ACOT11: variants seen among roughly 807,000 people sequenced by gnomAD.
ACOT11 encodes acyl-CoA thioesterase 11.
ACOT11 carries 69 observed loss-of-function variants against 77.5 expected under a neutral mutation model. The ratio of observed to expected loss-of-function variants is 0.89; its 90% CI spans 0.73 to 1.09. The LOEUF is 1.09. Among genes scored for constraint, ACOT11 ranks in the 50% least tolerant of loss-of-function variants. ACOT11 has a pLI of 0.00. For missense variants in ACOT11, 766 were observed against 813.7 expected, an observed-to-expected ratio of 0.94 and a Z score of 0.71; for synonymous variants, 279 against 313.0, an observed-to-expected ratio of 0.89 and a Z score of 1.15.
intron 15 of ACOT11, among the ~76,000 whole-genome samples, chr1:54,617,960 C>G (rs1217652726): frequency 6.6e-6 from 1 of 151,956 alleles, no homozygotes; most frequent in Non-Finnish European, 1.5e-5. Flanking sequence ...CTCCTGACCT[C>G]AGGTGATCCA....
At chr1:54,608,282 G>C (rs1644056564) in intron 15 of ACOT11, among the ~76,000 whole-genome samples, 1 of 152,158 alleles carries the variant, frequency 6.6e-6, no homozygotes, top group South Asian at 2.1e-4. Flanking sequence ...CTTGGAAAAA[G>C]CTCTGGGTGC....
rs573790345 is a variant in ACOT11, at chr1:54,623,188, A to C, written c.1630-7546A>C. ...GCAAAACTCCGTCTAAAAAAAAAAA[A>C]GGGACTGGTCAGAGCTGTAAGTGAG... is the stretch of plus-strand genomic sequence containing the variant. On this transcript the variant is annotated intron_variant, in intron 15 of 16. Transcript: ENST00000371316. The C allele has an allele frequency of 8.5e-4, 673 of 796,382 alleles. 1 individual carries two copies. Among genetic ancestry groups the C allele is most frequent in the Non-Finnish European group, 8.7e-4 (426 of 489,692 alleles). 49.3% of individuals were successfully genotyped at this position (796,382 alleles called of 1,614,324 possible).
At chr1:54,564,756 C>T (rs1332981882) in intron 1 of ACOT11, among the ~76,000 whole-genome samples, 2 of 152,188 alleles carry the variant, frequency 1.3e-5, no homozygotes, top group African/African-American at 4.8e-5. Context: ...TTGACCGGCT[C>T]TCTTCCCCAG....
chr1:54,626,146 G>A (rs1644271137), intron 15 of ACOT11, among the ~76,000 whole-genome samples: 1 of 151,612 alleles, frequency 6.6e-6, no homozygotes, highest in Non-Finnish European at 1.5e-5. Flanking sequence ...TGTAATCCCA[G>A]CTACTCGGGA....
At chr1:54,608,149 C>CTCAA in intron 15 of ACOT11, 81 bp downstream of exon 15, 1 of 1,463,022 alleles carries the variant, frequency 6.8e-7, no homozygotes, top group Non-Finnish European at 9.1e-7. Flanking sequence ...CACTGCTGGG[C>CTCAA]TAGGATAGTC....
At chr1:54,585,994 G>C in intron 3 of ACOT11, 90 bp downstream of exon 3, 3 of 1,384,936 alleles carry the variant, frequency 2.2e-6, no homozygotes, top group Non-Finnish European at 3.0e-6. Flanking sequence ...GTCAGCGTCT[G>C]TGCTGCCTAG....
At chr1:54,630,995 A>T in intron 16 of ACOT11, 1 of 495,906 alleles carries the variant, frequency 2.0e-6, no homozygotes, top group Non-Finnish European at 3.7e-6. Context: ...GAGGAACAAC[A>T]GTATAGCGAA....
At chr1:54,591,666 C>T (rs752128143) in intron 3 of ACOT11, among the ~76,000 whole-genome samples, 1 of 152,358 alleles carries the variant, frequency 6.6e-6, no homozygotes, top group Middle Eastern at 3.4e-3. Flanking sequence ...CCTCTGCCCC[C>T]TCCATTAGGC....
intron 13 of ACOT11, among the ~76,000 whole-genome samples, chr1:54,605,941 G>A (rs752852036): frequency 6.6e-6 from 1 of 152,146 alleles, no homozygotes; most frequent in Non-Finnish European, 1.5e-5. Context: ...CTTGTTATGA[G>A]GAGCCTACAT....
chr1:54,569,167 G>T (rs1379784540), intron 1 of ACOT11, among the ~76,000 whole-genome samples: 3 of 144,126 alleles, frequency 2.1e-5, no homozygotes, highest in Non-Finnish European at 4.5e-5. Context: ...TTGCTCTCTT[G>T]CCCAAGTTGG....
intron 1 of ACOT11, among the ~76,000 whole-genome samples, chr1:54,554,772 C>A (rs1653203930): frequency 6.6e-6 from 1 of 152,148 alleles, no homozygotes; most frequent in African/African-American, 2.4e-5. Context: ...ATACTGATTT[C>A]ATTTCCTTTG....
Position 54,584,519 on chromosome 1 carries a change from C to T in ACOT11, c.34-136C>T, listed in dbSNP as rs912655769. Reference sequence around the variant, plus strand: ...CGGGCTGGAGGGTGGTGACCACTCTCGGGTTGGGGTCTGGTGGGAGGTGGC... The same window carrying T: ...CGGGCTGGAGGGTGGTGACCACTCTTGGGTTGGGGTCTGGTGGGAGGTGGC... On this transcript the variant is annotated intron_variant, in intron 1 of 15. Transcript: ENST00000343744. This position sits in a 1 kb window ranked among gnomAD's most constrained non-coding sequence, Gnocchi z 6.3. 4 of 763,474 alleles carry T rather than the reference C, an allele frequency of 5.2e-6. No individual in the cohort carries two copies. The highest frequency in any genetic ancestry group is 2.7e-5 in the East Asian group (1 of 36,622). The allele number at this position is 763,474 out of a possible 1,614,324, so 47.3% of individuals were successfully genotyped here. A position where few individuals can be genotyped will look rare whatever the true frequency, so the allele number is the denominator to read the frequency against.
At chr1:54,566,548 C>A (rs1045680865) in intron 1 of ACOT11, among the ~76,000 whole-genome samples, 14 of 151,492 alleles carry the variant, frequency 9.2e-5, no homozygotes, top group African/African-American at 3.4e-4. Context: ...GTGTAACAAA[C>A]TACCCCGAAC....
chr1:54,567,718 A>G (rs1653784697), intron 1 of ACOT11, among the ~76,000 whole-genome samples: 6 of 151,916 alleles, frequency 3.9e-5, no homozygotes, highest in Middle Eastern at 3.4e-3. Flanking sequence ...AACTGGCACC[A>G]CCCTGTCCCT....
intron 1 of ACOT11, among the ~76,000 whole-genome samples, chr1:54,580,306 G>A (rs961605677): frequency 1.3e-5 from 2 of 152,136 alleles, no homozygotes; most frequent in Non-Finnish European, 2.9e-5. Context: ...TTTGCACCAG[G>A]CCTGTTGCTC....
chr1:54,549,176 C>A (rs990235559), intron 1 of ACOT11, among the ~76,000 whole-genome samples: 2 of 152,176 alleles, frequency 1.3e-5, no homozygotes, highest in African/African-American at 2.4e-5. Context: ...CTGGCTCCCC[C>A]ATTCCATGTC....
rs745566637 is a variant in ACOT11, at chr1:54,594,022, C to G, written c.454C>G (p.Arg152Gly). The G allele has an allele frequency of 6.2e-7, 1 of 1,613,922 alleles. No individual in the cohort carries two copies. Among genetic ancestry groups the G allele is most frequent in the Non-Finnish European group, 8.5e-7 (1 of 1,179,886 alleles). The change falls in exon 5 of 16, where the codon CGC (arginine) becomes GGC (glycine). Residue 152 changes from arginine (R) to glycine (G), a missense_variant. By Grantham distance (125) the Arg-to-Gly change is moderately radical. Transcript: ENST00000343744. ...CAAGGCCTTGGCCACCTTCGTGGCC[C>G]GCCGAGAGATCACCAAGGTAACTGG... ...VCKALATFVA[R>G]REITKVKLKQ... is the part of the protein sequence containing the mutation.
Position 54,585,731 on chromosome 1 carries a change from C to G in ACOT11, c.242-104C>G. 6.8e-6 allele frequency: 8 copies of G among 1,180,526 alleles called. 1 individual carries two copies. The South Asian group carries it at 1.1e-4, about 16-fold the overall frequency. The allele number at this position is 1,180,526 out of a possible 1,614,324, so 73.1% of individuals were successfully genotyped here. A position where few individuals can be genotyped will look rare whatever the true frequency, so the allele number is the denominator to read the frequency against. ...AGCAGGGTGTGGTGGGAGTTGTGGC[C>G]TTGGCTTGGGCGGCTGGAGAAGCCT... On this transcript the variant is annotated intron_variant, in intron 2 of 15. Coordinates refer to ENST00000343744, the MANE Select transcript of ACOT11 (RefSeq NM_147161.4).
At chr1:54,579,483 T>G (rs1294914848) in intron 1 of ACOT11, among the ~76,000 whole-genome samples, 1 of 152,184 alleles carries the variant, frequency 6.6e-6, no homozygotes, top group African/African-American at 2.4e-5. Flanking sequence ...GGAATACTCC[T>G]GCCTTGTTGG....
Sources: allele counts gnomAD v4.1 joint callset (sites outside exome capture counted in the v4.1 genomes callset), GRCh38; gene constraint gnomAD v4.1.1; non-coding constraint Gnocchi (gnomAD v3.1); transcripts MANE v1.5; gene names NCBI Gene and HGNC (gene_info 2026-07-23, HGNC 2026-07-21).